Variants in NBPF15 observed in about 807,000 individuals in gnomAD.
NBPF15 encodes NBPF family member NBPF15.
A neutral mutation model predicts 62.2 loss-of-function variants in NBPF15; 74 were observed. The observed-to-expected ratio is 1.19, with a 90% CI of 0.99 to 1.44. NBPF15 has a LOEUF of 1.44. Ranked by LOEUF, NBPF15 falls within the 40% of genes most tolerant of loss-of-function variation. The pLI is 0.00. For synonymous variants in NBPF15, 244 were observed against 209.7 expected (o/e 1.16, Z -1.41); for missense variants, 790 against 550.0 (o/e 1.44, Z -4.36).
chr1:144,444,892 G>C (rs1253124861), intron 6 of NBPF15, among the ~76,000 whole-genome samples: 1 of 151,920 alleles, frequency 6.6e-6, no homozygotes, highest in Non-Finnish European at 1.5e-5. Context: ...AAATTCCTAG[G>C]AAGGGAATGA....
intron 14 of NBPF15, among the ~76,000 whole-genome samples, chr1:144,429,393 A>G (rs1172781021): frequency 4.4e-4 from 67 of 151,468 alleles, no homozygotes; most frequent in Non-Finnish European, 9.0e-4. Flanking sequence ...GCTGACAGAC[A>G]GCTCCTGGGC....
chr1:144,457,317 G>T (rs1344971773), intron 3 of NBPF15, among the ~76,000 whole-genome samples: 1 of 151,814 alleles, frequency 6.6e-6, no homozygotes, highest in African/African-American at 2.4e-5. Context: ...TCATCTACTG[G>T]TCTATCTGGT....
chr1:144,423,324 T>A lies in NBPF15; in HGVS notation c.1770-68A>T. 3.7e-6 allele frequency: 6 copies of A among 1,610,858 alleles called. No individual in the cohort carries two copies. In the Admixed American group the frequency reaches 1.0e-4, roughly 27 times the overall value. ...AGACACCACAGAGCCCCACTAGATT[T>A]CAGAAGTAATATAAGGAAGTGGTTA... On this transcript the variant is annotated intron_variant, in intron 21 of 21. Coordinates refer to ENST00000581897, the MANE Select transcript of NBPF15 (RefSeq NM_001385408.1).
intron 5 of NBPF15, among the ~76,000 whole-genome samples, chr1:144,450,418 C>T (rs1690331038): frequency 6.6e-6 from 1 of 151,928 alleles, no homozygotes; most frequent in Non-Finnish European, 1.5e-5. Flanking sequence ...CCGCTGACAG[C>T]CAGCACAGAA....
At position 144,444,850 on chromosome 1, in the gene NBPF15, C is replaced by A. The variant is rs1340776819; in HGVS notation, c.-191+3925G>T. On this transcript the variant is annotated intron_variant, in intron 6 of 21. Coordinates refer to ENST00000581897, the MANE Select transcript of NBPF15 (RefSeq NM_001385408.1). Reference sequence around the variant, plus strand: ...CGCCCCTCAGGTTGGTCTGGAAACACACATACAGATCATTGTGCAGACACA... The same window carrying A: ...CGCCCCTCAGGTTGGTCTGGAAACAAACATACAGATCATTGTGCAGACACA... Among the ~76,000 whole-genome samples, 4 of 151,946 alleles carry A rather than the reference C, an allele frequency of 2.6e-5. 1 individual carries two copies. Among genetic ancestry groups the A allele is most frequent in the Non-Finnish European group, 5.9e-5 (4 of 67,972 alleles).
intron 19 of NBPF15, among the ~76,000 whole-genome samples, 192 bp from the exon 20 acceptor site, chr1:144,425,054 A>G (rs1553539008): frequency 1.7e-5 from 2 of 120,596 alleles, no homozygotes; most frequent in Non-Finnish European, 3.4e-5. Context: ...AGAGAAAGAC[A>G]GATAGACACA....
intron 12 of NBPF15, among the ~76,000 whole-genome samples, chr1:144,434,803 G>A (rs587759687): frequency 3.3e-5 from 5 of 152,046 alleles, no homozygotes; most frequent in East Asian, 1.9e-4. Flanking sequence ...AGGGACAGAT[G>A]ACTTAATCAC....
chr1:144,426,912 A>T, intron 17 of NBPF15, 135 bp downstream of exon 17: 1 of 577,490 alleles, frequency 1.7e-6, no homozygotes, highest in Non-Finnish European at 3.1e-6. Context: ...ACTGCAATGA[A>T]AACCAACAGC....
intron 3 of NBPF15, among the ~76,000 whole-genome samples, chr1:144,457,923 A>T (rs587710098): frequency 6.6e-6 from 1 of 151,888 alleles, no homozygotes; most frequent in Non-Finnish European, 1.5e-5. Flanking sequence ...AACCCTGTCT[A>T]CAAAAAATAG....
chr1:144,445,920 G>A (rs1474229266), intron 6 of NBPF15, among the ~76,000 whole-genome samples: 6 of 141,046 alleles, frequency 4.3e-5, no homozygotes, highest in African/African-American at 1.1e-4. Flanking sequence ...GCAGTGATGC[G>A]ATCTCGGCTC....
intron 8 of NBPF15, among the ~76,000 whole-genome samples, chr1:144,439,570 C>A (rs1681309645): frequency 6.6e-6 from 1 of 152,124 alleles, no homozygotes; most frequent in South Asian, 2.1e-4. Context: ...GAAAACAGGT[C>A]ATTCTGTGCC....
At chr1:144,438,832 C>T (rs1680652511) in intron 8 of NBPF15, among the ~76,000 whole-genome samples, 2 of 151,908 alleles carry the variant, frequency 1.3e-5, no homozygotes, top group South Asian at 4.2e-4. Flanking sequence ...TAGACAGGCC[C>T]ACAGTCCCTG....
intron 3 of NBPF15, among the ~76,000 whole-genome samples, chr1:144,457,861 G>A (rs1384521922): frequency 6.6e-6 from 1 of 152,002 alleles, no homozygotes; most frequent in Admixed American, 6.6e-5. Flanking sequence ...ATGCCAAGGT[G>A]GGAGGATCAT....
chr1:144,426,387 A>T lies in NBPF15; in HGVS notation c.1329T>A (p.Cys443Ter), dbSNP rs199868824. ...PEVLQDSLDRCYSTPSDYLEL... is the reference protein window; with the variant it reads ...PEVLQDSLDR ...CAAGATAATCTGAAGGAGTCGAATA[A>T]CATCTATCCAGTGAGTCCTGCAAGA... The change falls in exon 18 of 22, where the codon TGT becomes TGA. Residue 443 changes from cysteine to a stop codon, truncating the protein, a stop_gained. Coordinates refer to ENST00000581897, the MANE Select transcript of NBPF15 (RefSeq NM_001385408.1). LOFTEE classifies it high-confidence loss of function. 360 of 833,038 alleles carry T rather than the reference A, an allele frequency of 4.3e-4. 7 individuals are homozygous for T. The highest frequency in any genetic ancestry group is 6.9e-4 in the Non-Finnish European group (322 of 468,626). The allele number at this position is 833,038 out of a possible 1,614,324, so 51.6% of individuals were successfully genotyped here. A position where few individuals can be genotyped will look rare whatever the true frequency, so the allele number is the denominator to read the frequency against.
At chr1:144,454,929 A>G (rs1359540466) in intron 4 of NBPF15, among the ~76,000 whole-genome samples, 1 of 151,274 alleles carries the variant, frequency 6.6e-6, no homozygotes, top group Non-Finnish European at 1.5e-5. Flanking sequence ...CCTACAAGAC[A>G]GAAGCAGCTC....
chr1:144,448,414 T>C (rs1287066725), intron 6 of NBPF15, among the ~76,000 whole-genome samples: 1 of 152,058 alleles, frequency 6.6e-6, no homozygotes, highest in Non-Finnish European at 1.5e-5. Context: ...ACCAATTCTA[T>C]GACTATCTGT....
intron 3 of NBPF15, among the ~76,000 whole-genome samples, 199 bp from the exon 4 acceptor site, chr1:144,457,004 C>T (rs1471166429): frequency 2.7e-5 from 4 of 150,888 alleles, no homozygotes; most frequent in Admixed American, 6.6e-5. Flanking sequence ...AGTAAGACCC[C>T]ATCTCTGAAA....
intron 6 of NBPF15, among the ~76,000 whole-genome samples, chr1:144,442,172 A>G (rs1683643207): frequency 9.1e-6 from 1 of 110,374 alleles, no homozygotes; most frequent in Non-Finnish European, 1.8e-5. Flanking sequence ...GTATATATAT[A>G]TATATATAAT....
rs1425225387 is a variant in NBPF15 at position 144,426,241 on chromosome 1, A to T, written c.1438+37T>A. On this transcript the variant is annotated intron_variant, in intron 18 of 21. Transcript: ENST00000581897. ...GAATATCACCCCTATCTGGAAGACC[A>T]GGTGGAGGCTTATCACCTTCACAGT... is the stretch of plus-strand genomic sequence containing the variant. The T allele has an allele frequency of 4.3e-4, 244 of 568,304 alleles. 1 individual carries two copies. The highest frequency in any genetic ancestry group is 7.0e-4 in the Non-Finnish European group (227 of 326,328). The allele number at this position is 568,304 out of a possible 1,614,324, so 35.2% of individuals were successfully genotyped here.
Sources: gnomAD v4.1 joint callset for allele counts (sites outside exome capture counted in the v4.1 genomes callset) on GRCh38, gnomAD v4.1.1 for gene constraint, MANE v1.5 for transcripts, NCBI Gene and HGNC (gene_info 2026-07-23, HGNC 2026-07-21) for gene names.